Variants in ZNF710 observed in about 807,000 individuals in gnomAD.
The protein encoded by ZNF710 is zinc finger protein 710.
In ZNF710, 13 loss-of-function variants were observed where a neutral mutation model predicts 50.6. The observed-to-expected ratio is 0.26, with a 90% confidence interval of 0.17 to 0.41. The LOEUF (loss-of-function observed/expected upper bound fraction) is 0.41. Ranked by LOEUF, ZNF710 falls within the 10% of genes least tolerant of loss-of-function variation. ZNF710 has a pLI of 1.00. For synonymous variants in ZNF710, 383 were observed against 397.0 expected (o/e 0.96, Z 0.42); for missense variants, 721 against 936.6 (o/e 0.77, Z 3.01).
At chr15:90,037,108 C>T (rs1196456352) in intron 1 of ZNF710, among the ~76,000 whole-genome samples, 5 of 152,000 alleles carry the variant, frequency 3.3e-5, no homozygotes, top group Admixed American at 2.0e-4. Flanking sequence ...GAGGACCTGG[C>T]AGGGGCTCGG....
intron 1 of ZNF710, among the ~76,000 whole-genome samples, chr15:90,042,896 G>A (rs1160293449): frequency 6.6e-6 from 1 of 152,216 alleles, no homozygotes; most frequent in African/African-American, 2.4e-5. Flanking sequence ...GGTCGGCGGT[G>A]ACCCGTGATG....
intron 1 of ZNF710, among the ~76,000 whole-genome samples, chr15:90,047,736 A>G (rs1031473169): frequency 6.6e-6 from 1 of 151,710 alleles, no homozygotes; most frequent in Non-Finnish European, 1.5e-5. Context: ...GGCATGCACC[A>G]CCGCACCGGG....
intron 1 of ZNF710, among the ~76,000 whole-genome samples, chr15:90,036,776 T>C (rs16943819): frequency 0.12 from 18,303 of 151,934 alleles, 1,282 homozygotes; most frequent in African/African-American, 0.17. Flanking sequence ...GCAACATGCA[T>C]GGGATCGTGT....
intron 1 of ZNF710, among the ~76,000 whole-genome samples, chr15:90,057,028 C>T (rs953993396): frequency 2.0e-5 from 3 of 152,166 alleles, no homozygotes; most frequent in Non-Finnish European, 4.4e-5. Flanking sequence ...CCCCGCCACC[C>T]CCACTTGCCC....
intron 1 of ZNF710, among the ~76,000 whole-genome samples, chr15:90,058,721 A>ATG (rs1567236953): frequency 6.9e-5 from 10 of 144,566 alleles, no homozygotes; most frequent in African/African-American, 2.6e-4. Flanking sequence ...ATATATATAC[A>ATG]CACATATACA....
chr15:90,015,397 TTAAAA>T (rs1423514268), intron 1 of ZNF710, among the ~76,000 whole-genome samples: 3 of 152,128 alleles, frequency 2.0e-5, no homozygotes, highest in Non-Finnish European at 4.4e-5. Context: ...GCAATAGTTA[TTAAAA>T]TTAAAAGTGC....
intron 1 of ZNF710, among the ~76,000 whole-genome samples, chr15:90,049,081 G>A (rs1365115122): frequency 2.0e-5 from 3 of 152,134 alleles, no homozygotes; most frequent in African/African-American, 2.4e-5. Flanking sequence ...AGGGGCCCTG[G>A]GTGACTCATA....
chr15:90,016,838 C>T (rs1441962063), intron 1 of ZNF710, among the ~76,000 whole-genome samples: 1 of 152,250 alleles, frequency 6.6e-6, no homozygotes, highest in Admixed American at 6.5e-5. Flanking sequence ...GCCTCTGCAG[C>T]TGGCTTGTGC....
intron 1 of ZNF710, among the ~76,000 whole-genome samples, chr15:90,016,952 G>C (rs1352202481): frequency 6.6e-6 from 1 of 152,214 alleles, no homozygotes; most frequent in Non-Finnish European, 1.5e-5. Context: ...CTGCAGTCCT[G>C]CCTTTGAAGT....
rs199713092 is a variant in ZNF710, at chr15:90,067,524, C to T, written c.387C>T (p.Asp129=). 3.3e-5 allele frequency: 54 copies of T among 1,613,366 alleles called. No individual in the cohort carries two copies. The Middle Eastern group carries it at 5.0e-4, about 15-fold the overall frequency. The change falls in exon 2 of 5, where the codon GAC becomes GAT. Residue 129 remains aspartate, a synonymous_variant. Coordinates refer to ENST00000268154, the MANE Select transcript of ZNF710 (RefSeq NM_198526.4). The surrounding 1 kb of genome is among the most constrained non-coding windows in gnomAD (Gnocchi z 8.1). ...TCTATGAGGTTTCTGTGCCAGGTGA[C>T]GACAAGGACGCAGGGCCAGCAGAAG... The part of the protein sequence containing the change: ...QEVYEVSVPG[D]DKDAGPAEAP...
chr15:90,068,656 A>G lies in ZNF710; in HGVS notation c.1458+61A>G. ...CCCTCCTGCCACTTTTTCATCCAGT[A>G]CTTTCCAAAGTCCCAGATGGGACCA... On this transcript the variant is annotated intron_variant, in intron 2 of 4. Transcript: ENST00000268154. The surrounding 1 kb of genome is among the most constrained non-coding windows in gnomAD (Gnocchi z 5.0). 15 of 1,526,030 alleles carry G rather than the reference A, an allele frequency of 9.8e-6. No individual in the cohort carries two copies. The South Asian group carries it at 1.5e-4, about 15-fold the overall frequency. 94.5% of individuals were successfully genotyped at this position (1,526,030 alleles called of 1,614,324 possible).
intron 1 of ZNF710, among the ~76,000 whole-genome samples, chr15:90,011,818 G>A (rs1898312098): frequency 6.6e-6 from 1 of 151,726 alleles, no homozygotes; most frequent in African/African-American, 2.4e-5. Flanking sequence ...ACTCTTAAAA[G>A]ATAGTTTTGC....
intron 1 of ZNF710, among the ~76,000 whole-genome samples, chr15:90,033,632 C>A (rs139910956): frequency 9.3e-4 from 142 of 152,296 alleles, no homozygotes; most frequent in Middle Eastern, 3.4e-3. Context: ...GATCATAGCT[C>A]ACTGCAGCCT....
chr15:90,040,552 C>T lies in ZNF710; in HGVS notation c.-28-26558C>T, dbSNP rs558116531. On this transcript the variant is annotated intron_variant, in intron 1 of 4. Transcript: ENST00000268154. This position sits in a 1 kb window ranked among gnomAD's most constrained non-coding sequence, Gnocchi z 4.6. ...ATGCTCCGGGAGTTCACAGTGATCC[C>T]GATTTGACTTCACAGTGACTCCTTT... Among the ~76,000 whole-genome samples the T allele has an allele frequency of 4.6e-5, 7 of 152,288 alleles. No homozygotes were observed. The highest frequency in any genetic ancestry group is 2.1e-4 in the South Asian group (1 of 4,830).
chr15:90,039,746 T>C (rs796824521), intron 1 of ZNF710, among the ~76,000 whole-genome samples: 30 of 152,126 alleles, frequency 2.0e-4, no homozygotes, highest in African/African-American at 7.2e-4. Flanking sequence ...CAGCAGCGAG[T>C]GGCACCTCTT....
At chr15:90,012,471 C>T (rs570426743) in intron 1 of ZNF710, among the ~76,000 whole-genome samples, 56 of 151,948 alleles carry the variant, frequency 3.7e-4, no homozygotes, top group African/African-American at 8.2e-4. Flanking sequence ...GGGGTTTCAC[C>T]GTGTTAGCCA....
chr15:90,002,440 A>C (rs1898037747), intron 1 of ZNF710: 1 of 152,362 alleles, frequency 6.6e-6, no homozygotes, highest in Admixed American at 6.5e-5. Flanking sequence ...CCCGCGGCTC[A>C]GCCCCCCTTC....
At position 90,081,711 on chromosome 15, in the gene ZNF710, C is replaced by T. The variant is rs1027955438; in HGVS notation, c.*1882C>T. On this transcript the variant is annotated 3_prime_UTR_variant, in exon 5 of 5. Coordinates refer to ENST00000268154, the MANE Select transcript of ZNF710 (RefSeq NM_198526.4). ...AACTACCTCTTCCCACGTCTTTCTC[C>T]CCTGGTACCAAAAAGAACCCTGTAC... 6.5e-6 allele frequency: 1 copy of T among 152,720 alleles called. No homozygotes were observed. The highest frequency in any genetic ancestry group is 6.5e-5 in the Admixed American group (1 of 15,306). 9.5% of individuals were successfully genotyped at this position (152,720 alleles called of 1,614,324 possible). A position where few individuals can be genotyped will look rare whatever the true frequency, so the allele number is the denominator to read the frequency against.
intron 1 of ZNF710, among the ~76,000 whole-genome samples, chr15:90,017,282 G>GT (rs1462306330): frequency 6.6e-6 from 1 of 152,192 alleles, no homozygotes; most frequent in East Asian, 1.9e-4. Flanking sequence ...CACCTGTGCT[G>GT]TTTTTCAAAG....
Sources: allele counts gnomAD v4.1 joint callset (sites outside exome capture counted in the v4.1 genomes callset), GRCh38; gene constraint gnomAD v4.1.1; non-coding constraint Gnocchi (gnomAD v3.1); transcripts MANE v1.5; gene names NCBI Gene and HGNC (gene_info 2026-07-23, HGNC 2026-07-21).